SLC44A5: variants seen among roughly 807,000 people sequenced by gnomAD.
The protein encoded by SLC44A5 is choline transporter-like protein 5.
Under a neutral mutation model 101.8 loss-of-function variants are expected in SLC44A5, and 57 were observed. The ratio of observed to expected loss-of-function variants is 0.56; its 90% CI spans 0.45 to 0.70. The LOEUF (loss-of-function observed/expected upper bound fraction) is 0.70. Among genes scored for constraint, SLC44A5 ranks in the 30% least tolerant of loss-of-function variants. The pLI is 0.00. For synonymous variants in SLC44A5, 281 were observed against 290.9 expected (o/e 0.97, Z 0.35); for missense variants, 737 against 853.1 (o/e 0.86, Z 1.70).
chr1:75,541,187 T>C (rs567840660), intron 2 of SLC44A5, among the ~76,000 whole-genome samples: 1 of 152,320 alleles, frequency 6.6e-6, no homozygotes, highest in Admixed American at 6.5e-5. Flanking sequence ...CAGCTTGCCA[T>C]GTTCCCAAGA....
chr1:75,362,744 C>T (rs1454170917), intron 3 of SLC44A5, among the ~76,000 whole-genome samples: 1 of 151,988 alleles, frequency 6.6e-6, no homozygotes, highest in Non-Finnish European at 1.5e-5. Context: ...GTTTAATATG[C>T]CCTTGAGAAG....
Position 75,596,408 on chromosome 1 carries a change from C to T in SLC44A5, c.-70+14632G>A, listed in dbSNP as rs139682375. On this transcript the variant is annotated intron_variant, in intron 1 of 23. Transcript: ENST00000370859. ...GGTACCATTCCCACTGAAACTATTC[C>T]ACAAAATTGAGGGAGGGAGAGTGAC... Among the ~76,000 whole-genome samples, 862 of 152,200 alleles carry T rather than the reference C, an allele frequency of 5.7e-3. 13 individuals carry two copies. Among genetic ancestry groups the T allele is most frequent in the Admixed American group, 0.034 (525 of 15,274 alleles).
the SLC44A5 span, among the ~76,000 whole-genome samples, chr1:75,640,430 T>C: frequency 6.6e-6 from 1 of 152,070 alleles, no homozygotes; most frequent in Non-Finnish European, 1.5e-5. Flanking sequence ...AGCAAGTCAA[T>C]GGTCAAGCCC....
intron 4 of SLC44A5, among the ~76,000 whole-genome samples, chr1:75,310,669 T>G (rs941184512): frequency 6.6e-6 from 1 of 152,202 alleles, no homozygotes; most frequent in Non-Finnish European, 1.5e-5. Flanking sequence ...TCTAATAATT[T>G]CAAGTCAACC....
the SLC44A5 span, among the ~76,000 whole-genome samples, chr1:75,690,708 C>T: frequency 2.0e-5 from 3 of 152,188 alleles, no homozygotes; most frequent in East Asian, 3.8e-4. Context: ...TACTAAATCA[C>T]ACATCCACCA....
intron 12 of SLC44A5, 79 bp downstream of exon 12, chr1:75,233,907 T>C (rs1375832055): frequency 2.8e-6 from 3 of 1,083,992 alleles, no homozygotes; most frequent in Non-Finnish European, 4.1e-6. Flanking sequence ...AAACAAATGC[T>C]TTCTGGTAAC....
intron 2 of SLC44A5, among the ~76,000 whole-genome samples, chr1:75,405,570 C>T (rs1465089082): frequency 2.6e-5 from 4 of 152,136 alleles, no homozygotes; most frequent in African/African-American, 9.7e-5. Context: ...AACCATACAA[C>T]TACATGAAAA....
At chr1:75,635,740 T>C in the SLC44A5 span, among the ~76,000 whole-genome samples, 19 of 151,596 alleles carry the variant, frequency 1.3e-4, no homozygotes, top group Non-Finnish European at 1.8e-4. Flanking sequence ...CACACCAGCA[T>C]GGCACATGTA....
chr1:75,342,343 T>G (rs1657946989), intron 3 of SLC44A5, among the ~76,000 whole-genome samples: 1 of 152,250 alleles, frequency 6.6e-6, no homozygotes. Flanking sequence ...CTCTGAGCAC[T>G]GCAATGCAAT....
At chr1:75,232,185 G>A (rs945297467) in intron 12 of SLC44A5, among the ~76,000 whole-genome samples, 3 of 152,026 alleles carry the variant, frequency 2.0e-5, no homozygotes, top group Non-Finnish European at 2.9e-5. Flanking sequence ...AATAGGGAGC[G>A]AAAATTAAGT....
intron 1 of SLC44A5, among the ~76,000 whole-genome samples, chr1:75,573,477 G>C (rs1026719692): frequency 2.0e-5 from 3 of 152,128 alleles, no homozygotes; most frequent in African/African-American, 7.2e-5. Context: ...CTTCTGTATT[G>C]TTTGATATTT....
the SLC44A5 span, among the ~76,000 whole-genome samples, chr1:75,621,981 A>G: frequency 6.6e-6 from 1 of 152,072 alleles, no homozygotes; most frequent in Non-Finnish European, 1.5e-5. Context: ...GACTTAAATA[A>G]CACTTCTTCC....
At chr1:75,676,080 G>A in the SLC44A5 span, among the ~76,000 whole-genome samples, 1 of 152,136 alleles carries the variant, frequency 6.6e-6, no homozygotes, top group Non-Finnish European at 1.5e-5. Flanking sequence ...CAATAGAAAT[G>A]CTTTTACATT....
At chr1:75,527,833 T>C (rs1402034526) in intron 2 of SLC44A5, among the ~76,000 whole-genome samples, 7 of 152,240 alleles carry the variant, frequency 4.6e-5, no homozygotes, top group Admixed American at 3.9e-4. Context: ...CACTGACCTT[T>C]TGTATCACAT....
At chr1:75,695,107 T>C in the SLC44A5 span, among the ~76,000 whole-genome samples, 1 of 152,198 alleles carries the variant, frequency 6.6e-6, no homozygotes, top group Admixed American at 6.5e-5. Context: ...ATCAGCTCTT[T>C]TTTACACTTA....
At chr1:75,653,641 T>C in the SLC44A5 span, among the ~76,000 whole-genome samples, 1 of 152,140 alleles carries the variant, frequency 6.6e-6, no homozygotes, top group Non-Finnish European at 1.5e-5. Flanking sequence ...AACCACTATT[T>C]AGCATCTAAA....
At chr1:75,262,265 G>A (rs774211131) in intron 6 of SLC44A5, among the ~76,000 whole-genome samples, 30 of 152,188 alleles carry the variant, frequency 2.0e-4, no homozygotes, top group Non-Finnish European at 4.4e-5. Flanking sequence ...ATCTTCTTAA[G>A]CTGATAAACA....
chr1:75,232,195 T>C (rs1325129198), intron 12 of SLC44A5, among the ~76,000 whole-genome samples: 1 of 152,160 alleles, frequency 6.6e-6, no homozygotes, highest in Admixed American at 6.6e-5. Context: ...GAAAATTAAG[T>C]TGTTTTACCT....
intron 2 of SLC44A5, among the ~76,000 whole-genome samples, chr1:75,487,568 CAA>C (rs1246654273): frequency 6.6e-6 from 1 of 152,130 alleles, no homozygotes; most frequent in Admixed American, 6.5e-5. Context: ...ACTCAGAGCT[CAA>C]TGGACTGTGA....
Sources: gnomAD v4.1 joint callset for allele counts (sites outside exome capture counted in the v4.1 genomes callset) on GRCh38, gnomAD v4.1.1 for gene constraint, MANE v1.5 for transcripts, NCBI Gene and HGNC (gene_info 2026-07-23, HGNC 2026-07-21) for gene names.